Variants in SP140 observed in about 807,000 individuals in gnomAD.
SP140 encodes the protein SP140 nuclear body protein.
In SP140, 81 loss-of-function variants were observed where a neutral mutation model predicts 125.0. The ratio of observed to expected loss-of-function variants is 0.65; its 90% CI spans 0.54 to 0.78. SP140 has a LOEUF of 0.78. Among genes scored for constraint, SP140 ranks in the 30% least tolerant of loss-of-function variants. SP140 has a pLI of 0.00. For synonymous variants in SP140, 312 were observed against 354.0 expected (o/e 0.88, Z 1.33); for missense variants, 858 against 1,037.0 (o/e 0.83, Z 2.37).
At chr2:230,223,812 C>A (rs1360917311), upstream of SP140, among the ~76,000 whole-genome samples, 2 of 152,170 alleles carry the variant, frequency 1.3e-5, no homozygotes, top group Non-Finnish European at 2.9e-5. Flanking sequence ...TTCTAGCATG[C>A]TTAGCAAAAT....
chr2:230,206,597 A>T (rs56180510), intron 1 of SP140, among the ~76,000 whole-genome samples: 730 of 29,406 alleles, frequency 0.025, 10 homozygotes, highest in Non-Finnish European at 0.036. Context: ...TCCAGATTTT[A>T]TATATATATA....
chr2:230,281,938 G>A (rs2055629833), intron 15 of SP140, among the ~76,000 whole-genome samples: 2 of 152,140 alleles, frequency 1.3e-5, no homozygotes, highest in African/African-American at 4.8e-5. Flanking sequence ...GGGATATAGA[G>A]TAGATGCATC....
chr2:230,202,591 A>C (rs375662271), upstream of SP140: 4 of 1,613,986 alleles, frequency 2.5e-6, no homozygotes, highest in African/African-American at 5.3e-5. Context: ...TCTGATCTCG[A>C]CTTTCGGGCA....
chr2:230,204,642 G>T (rs72982413), intron 1 of SP140, among the ~76,000 whole-genome samples: 18,208 of 151,224 alleles, frequency 0.12, 1,218 homozygotes, highest in South Asian at 0.27. Flanking sequence ...TAGCTAATTT[G>T]TGCCAGGACA....
rs2044417830 is a variant in SP140, at chr2:230,211,091, G to A, written c.-322-2563G>A. On this transcript the variant is annotated intron_variant, in intron 1 of 4. Transcript: ENST00000456542. The surrounding 1 kb of genome is among the most constrained non-coding windows in gnomAD (Gnocchi z 4.2). ...GTGGCTCTGTCAAACAGTCCAGCCTGACTCAGTTCCCTTGCTTTCCCCTGG... is the reference window on the plus strand; with the variant it reads ...GTGGCTCTGTCAAACAGTCCAGCCTAACTCAGTTCCCTTGCTTTCCCCTGG... Among the ~76,000 whole-genome samples, 1 of 152,190 alleles carries A rather than the reference G, an allele frequency of 6.6e-6. No homozygotes were observed. Among genetic ancestry groups the A allele is most frequent in the Non-Finnish European group, 1.5e-5 (1 of 68,022 alleles).
intron 21 of SP140, 83 bp from the exon 22 acceptor site, chr2:230,297,338 A>G: frequency 6.7e-7 from 1 of 1,498,330 alleles, no homozygotes; most frequent in Non-Finnish European, 9.2e-7. Context: ...ATCCCTTCAA[A>G]GAATACTATT....
At chr2:230,277,755 A>G (rs2054937690) in intron 15 of SP140, among the ~76,000 whole-genome samples, 1 of 152,158 alleles carries the variant, frequency 6.6e-6, no homozygotes, top group Admixed American at 6.5e-5. Context: ...TTGGTATATG[A>G]TGTGAGATGG....
At chr2:230,275,303 G>T (rs954453686) in intron 15 of SP140, among the ~76,000 whole-genome samples, 1 of 150,246 alleles carries the variant, frequency 6.7e-6, no homozygotes, top group Admixed American at 6.6e-5. Flanking sequence ...TGACAACCCT[G>T]TGTCAAAAAA....
chr2:230,269,792 A>T, intron 13 of SP140, 45 bp from the exon 14 acceptor site: 1 of 1,462,024 alleles, frequency 6.8e-7, no homozygotes, highest in Non-Finnish European at 9.6e-7. Context: ...AAATAGAGTC[A>T]CTGGGTCAAA....
chr2:230,255,052 CT>C (rs768199737), intron 11 of SP140, among the ~76,000 whole-genome samples: 11 of 152,204 alleles, frequency 7.2e-5, no homozygotes, highest in South Asian at 2.1e-4. Flanking sequence ...ATGGGGAAAG[CT>C]AGTAAAGAGC....
intron 22 of SP140, among the ~76,000 whole-genome samples, chr2:230,309,360 G>C (rs1042770023): frequency 6.6e-6 from 1 of 152,116 alleles, no homozygotes; most frequent in African/African-American, 2.4e-5. Context: ...GGGCCCACCT[G>C]GTCATCTCCA....
intron 3 of SP140, among the ~76,000 whole-genome samples, chr2:230,216,510 T>A (rs556304529): frequency 6.6e-6 from 1 of 152,350 alleles, no homozygotes; most frequent in Non-Finnish European, 1.5e-5. Flanking sequence ...GATTTTGGAC[T>A]TCTGGCCTCC....
In SP140 at chr2:230,285,768, C is replaced by A. The variant is rs760919704; in HGVS notation, c.1581C>A (p.Asp527Glu). Residue 527 changes from aspartate (D) to glutamate (E), a missense_variant, in exon 17 of 27, where the codon GAC becomes GAA. By Grantham distance (45) the Asp-to-Glu change is conservative. Transcript: ENST00000392045. ...NSQQNDNSKADGQVVSSEKKA... is the reference protein window; with the variant it reads ...NSQQNDNSKAEGQVVSSEKKA... Reference sequence around the variant, plus strand: ...TATCCCCAGATAATAGCAAAGCCGACGGCCAGGTGGTCTCCAGTGAAAAGA... The same window carrying A: ...TATCCCCAGATAATAGCAAAGCCGAAGGCCAGGTGGTCTCCAGTGAAAAGA... 3.1e-6 allele frequency: 5 copies of A among 1,613,136 alleles called. No individual in the cohort carries two copies. Among genetic ancestry groups the A allele is most frequent in the Non-Finnish European group, 4.2e-6 (5 of 1,179,308 alleles).
intron 12 of SP140, among the ~76,000 whole-genome samples, chr2:230,256,661 T>G (rs2051265311): frequency 6.6e-6 from 1 of 152,126 alleles, no homozygotes; most frequent in Admixed American, 6.5e-5. Flanking sequence ...CCCTAAAACT[T>G]AAAGTATAAT....
upstream of SP140, among the ~76,000 whole-genome samples, chr2:230,201,248 A>G (rs1243966112): frequency 1.3e-5 from 2 of 152,230 alleles, no homozygotes; most frequent in South Asian, 4.1e-4. Flanking sequence ...AGAGTCTCTC[A>G]AAGTAAGGTC....
At chr2:230,307,955 GTATATATA>G (rs60233854) in intron 22 of SP140, among the ~76,000 whole-genome samples, 544 of 48,410 alleles carry the variant, frequency 0.011, 7 homozygotes, top group African/African-American at 0.028. Flanking sequence ...GGACATGCAT[GTATATATA>G]TATATATATA....
chr2:230,301,706 T>C (rs2058298238), intron 22 of SP140, among the ~76,000 whole-genome samples: 1 of 152,128 alleles, frequency 6.6e-6, no homozygotes, highest in South Asian at 2.1e-4. Flanking sequence ...ATCACAGGCC[T>C]ATTAAAAAAT....
At chr2:230,212,605 G>T (rs988190517) in intron 1 of SP140, among the ~76,000 whole-genome samples, 1 of 152,204 alleles carries the variant, frequency 6.6e-6, no homozygotes, top group Non-Finnish European at 1.5e-5. Flanking sequence ...CCCCCCGGCA[G>T]TGCTCATAAT....
chr2:230,305,729 T>G (rs1162908318), intron 22 of SP140, among the ~76,000 whole-genome samples: 1 of 151,912 alleles, frequency 6.6e-6, no homozygotes, highest in Non-Finnish European at 1.5e-5. Context: ...GAAGTGGGAG[T>G]GGCGCCCACT....
Sources: allele counts gnomAD v4.1 joint callset (sites outside exome capture counted in the v4.1 genomes callset), GRCh38; gene constraint gnomAD v4.1.1; non-coding constraint Gnocchi (gnomAD v3.1); transcripts MANE v1.5; gene names NCBI Gene and HGNC (gene_info 2026-07-23, HGNC 2026-07-21).